Variants in MEGF10 observed in about 807,000 individuals in gnomAD.
MEGF10 encodes the protein multiple epidermal growth factor-like domains protein 10.
MEGF10 carries 86 observed loss-of-function variants against 147.5 expected under a neutral mutation model. The ratio of observed to expected loss-of-function variants is 0.58; its 90% CI spans 0.49 to 0.70. The LOEUF is 0.70. Ranked by LOEUF, MEGF10 falls within the 30% of genes least tolerant of loss-of-function variation. MEGF10 has a pLI of 0.00. For missense variants in MEGF10, 1,329 were observed against 1,487.3 expected (o/e 0.89, Z 1.75); for synonymous variants, 478 against 525.5 (o/e 0.91, Z 1.24).
chr5:127,294,835 T>TAATAATAATAAAAAA (rs56033520), intron 1 of MEGF10, among the ~76,000 whole-genome samples: 35 of 143,142 alleles, frequency 2.4e-4, no homozygotes, highest in East Asian at 1.0e-3. Flanking sequence ...ATAATAATAA[T>TAATAATAATAAAAAA]AAATAACTTG....
chr5:127,448,706 G>A (rs1766040625), intron 21 of MEGF10, among the ~76,000 whole-genome samples: 1 of 151,576 alleles, frequency 6.6e-6, no homozygotes, highest in Non-Finnish European at 1.5e-5. Context: ...TTATCCTCAT[G>A]TTTACGCCTA....
intron 7 of MEGF10, among the ~76,000 whole-genome samples, chr5:127,401,833 C>T (rs536294639): frequency 2.0e-5 from 3 of 152,154 alleles, no homozygotes; most frequent in Non-Finnish European, 4.4e-5. Flanking sequence ...AGATGGACAG[C>T]CTCTAGGGTG....
At chr5:127,273,795 A>T in the MEGF10 span, among the ~76,000 whole-genome samples, 11 of 152,356 alleles carry the variant, frequency 7.2e-5, no homozygotes, top group South Asian at 8.3e-4. Context: ...CAAAGAACTA[A>T]CATTTATCAA....
chr5:127,430,206 A>T (rs1015089286), intron 13 of MEGF10, among the ~76,000 whole-genome samples: 1 of 152,164 alleles, frequency 6.6e-6, no homozygotes, highest in Admixed American at 6.5e-5. Context: ...AACTTCTCAC[A>T]GCAAACCAGT....
chr5:127,445,170 A>T (rs1166944244), intron 19 of MEGF10: 2 of 406,614 alleles, frequency 4.9e-6, no homozygotes, highest in Non-Finnish European at 9.0e-6. Flanking sequence ...AGGCTAGATC[A>T]GTTCTCCCGC....
the MEGF10 span, among the ~76,000 whole-genome samples, chr5:127,247,442 A>G: frequency 6.1e-4 from 74 of 120,576 alleles, 9 homozygotes; most frequent in African/African-American, 2.5e-3. Flanking sequence ...AAGAAGAAGA[A>G]GAAGAAGAAG....
intron 4 of MEGF10, among the ~76,000 whole-genome samples, chr5:127,359,593 C>T (rs759177972): frequency 1.3e-5 from 2 of 152,030 alleles, no homozygotes; most frequent in Admixed American, 6.6e-5. Context: ...TAGATTGCTT[C>T]GTATTTTCTA....
chr5:127,232,419 C>T, the MEGF10 span, among the ~76,000 whole-genome samples: 1 of 152,164 alleles, frequency 6.6e-6, no homozygotes, highest in South Asian at 2.1e-4. Context: ...TACATACAAT[C>T]CTGTGATCCC....
intron 5 of MEGF10, among the ~76,000 whole-genome samples, chr5:127,375,001 A>T (rs971973454): frequency 3.3e-5 from 5 of 152,156 alleles, no homozygotes; most frequent in African/African-American, 1.2e-4. Context: ...CTGGTTGTTG[A>T]CATTTGTCAT....
chr5:127,345,058 C>A (rs942906241), intron 4 of MEGF10, among the ~76,000 whole-genome samples: 2 of 152,140 alleles, frequency 1.3e-5, no homozygotes, highest in Non-Finnish European at 2.9e-5. Flanking sequence ...CCAGAGCGTC[C>A]TGGAGTTAGT....
intron 6 of MEGF10, among the ~76,000 whole-genome samples, chr5:127,397,146 T>C (rs1324319449): frequency 6.6e-6 from 1 of 152,214 alleles, no homozygotes; most frequent in Non-Finnish European, 1.5e-5. Context: ...TGCTGGTTGT[T>C]AATGGTCCAT....
At chr5:127,273,049 C>A in the MEGF10 span, among the ~76,000 whole-genome samples, 5 of 152,190 alleles carry the variant, frequency 3.3e-5, no homozygotes, top group Admixed American at 6.5e-5. Context: ...TCCCTCCTTG[C>A]CTGAGTTGCA....
chr5:127,449,938 TTAA>T (rs1439752973), intron 22 of MEGF10, among the ~76,000 whole-genome samples: 2 of 143,722 alleles, frequency 1.4e-5, no homozygotes, highest in South Asian at 4.9e-4. Context: ...TTTATTTAAA[TTAA>T]TAATAATCAC....
intron 9 of MEGF10, among the ~76,000 whole-genome samples, chr5:127,416,451 T>A (rs1764782894): frequency 1.3e-5 from 2 of 152,070 alleles, no homozygotes; most frequent in South Asian, 4.1e-4. Flanking sequence ...TCTAAGTAGA[T>A]CTGAGACTCA....
At chr5:127,259,643 C>A in the MEGF10 span, among the ~76,000 whole-genome samples, 72 of 152,202 alleles carry the variant, frequency 4.7e-4, no homozygotes, top group African/African-American at 1.6e-3. Flanking sequence ...GTATATCAGC[C>A]CCCTCTCAGC....
At chr5:127,434,084 A>G (rs551209079) in intron 14 of MEGF10, among the ~76,000 whole-genome samples, 30 of 152,364 alleles carry the variant, frequency 2.0e-4, no homozygotes, top group African/African-American at 6.5e-4. Flanking sequence ...AAGTTATACT[A>G]TTCTAATTTT....
chr5:127,309,077 G>C (rs1422315), intron 1 of MEGF10, among the ~76,000 whole-genome samples: 100,241 of 151,804 alleles, frequency 0.66, 33,466 homozygotes, highest in Middle Eastern at 0.8. Flanking sequence ...ATTATGTTTT[G>C]CCTCCTTCCA....
intron 1 of MEGF10, among the ~76,000 whole-genome samples, chr5:127,308,464 C>A (rs1760112183): frequency 6.6e-6 from 1 of 152,088 alleles, no homozygotes; most frequent in Non-Finnish European, 1.5e-5. Context: ...TGCTTGACGC[C>A]CTTTTGGTTT....
chr5:127,365,271 A>G (rs761258350), intron 4 of MEGF10, among the ~76,000 whole-genome samples: 2 of 152,216 alleles, frequency 1.3e-5, no homozygotes, highest in African/African-American at 2.4e-5. Flanking sequence ...TACTCTCTTT[A>G]GAGATATAAT....
Sources: gnomAD v4.1 joint callset for allele counts (sites outside exome capture counted in the v4.1 genomes callset) on GRCh38, gnomAD v4.1.1 for gene constraint, MANE v1.5 for transcripts, NCBI Gene and HGNC (gene_info 2026-07-23, HGNC 2026-07-21) for gene names.